Variants in HEMK2 observed in about 807,000 individuals in gnomAD.
HEMK2 encodes the protein HemK methyltransferase 2, ETF1 glutamine and histone H4 lysine.
chr21:28,679,593 A>T, the HEMK2 span, among the ~76,000 whole-genome samples: 1 of 152,220 alleles, frequency 6.6e-6, no homozygotes, highest in Non-Finnish European at 1.5e-5. Flanking sequence ...TCAACAGAAT[A>T]TACATTCTTC....
At chr21:28,811,810 A>T in the HEMK2 span, among the ~76,000 whole-genome samples, 1 of 152,248 alleles carries the variant, frequency 6.6e-6, no homozygotes. Context: ...TGGAACGGTA[A>T]GATGGAGCTT....
At chr21:28,773,738 T>C in the HEMK2 span, among the ~76,000 whole-genome samples, 4 of 152,140 alleles carry the variant, frequency 2.6e-5, no homozygotes, top group Non-Finnish European at 5.9e-5. Flanking sequence ...CCAGCTGCAA[T>C]GCTCTACTGG....
At chr21:28,675,494 T>C in the HEMK2 span, among the ~76,000 whole-genome samples, 4 of 152,188 alleles carry the variant, frequency 2.6e-5, no homozygotes, top group East Asian at 3.8e-4. Context: ...ATATCCATCA[T>C]TGGCAACAAA....
chr21:28,642,862 T>G, the HEMK2 span, among the ~76,000 whole-genome samples: 8 of 152,292 alleles, frequency 5.3e-5, no homozygotes, highest in Non-Finnish European at 8.8e-5. Context: ...CAGCCACTTG[T>G]GTTGCTCTGC....
chr21:28,818,878 G>A, the HEMK2 span, among the ~76,000 whole-genome samples: 2 of 152,156 alleles, frequency 1.3e-5, no homozygotes, highest in African/African-American at 2.4e-5. Flanking sequence ...AAGAAACTAG[G>A]ATTTATTTCT....
the HEMK2 span, among the ~76,000 whole-genome samples, chr21:28,857,498 A>G: frequency 6.6e-6 from 1 of 152,156 alleles, no homozygotes; most frequent in East Asian, 1.9e-4. Flanking sequence ...ATTCTGAAAG[A>G]GAAATAATTT....
chr21:28,658,281 T>C, the HEMK2 span, among the ~76,000 whole-genome samples: 4 of 152,082 alleles, frequency 2.6e-5, no homozygotes, highest in South Asian at 8.3e-4. Context: ...AGAGTTCCAG[T>C]AGCTCAGTTT....
the HEMK2 span, among the ~76,000 whole-genome samples, chr21:28,622,077 C>T: frequency 7.2e-5 from 11 of 152,036 alleles, no homozygotes; most frequent in Admixed American, 3.9e-4. Flanking sequence ...TGTCTTTGCA[C>T]GTGAGATGGG....
the HEMK2 span, among the ~76,000 whole-genome samples, chr21:28,690,058 A>G: frequency 6.6e-6 from 1 of 152,176 alleles, no homozygotes; most frequent in East Asian, 1.9e-4. Flanking sequence ...GCAAAGGCAC[A>G]TCTTACACAG....
chr21:28,710,899 C>A, the HEMK2 span, among the ~76,000 whole-genome samples: 1 of 152,142 alleles, frequency 6.6e-6, no homozygotes, highest in African/African-American at 2.4e-5. Context: ...TTACATTGTT[C>A]ATGAGAAAAT....
the HEMK2 span, among the ~76,000 whole-genome samples, chr21:28,733,388 A>G: frequency 1.3e-5 from 2 of 152,336 alleles, no homozygotes; most frequent in East Asian, 1.9e-4. Flanking sequence ...CCTCTTAGAT[A>G]ACATTGGCTT....
At chr21:28,878,824 T>C in the HEMK2 span, among the ~76,000 whole-genome samples, 6 of 151,292 alleles carry the variant, frequency 4.0e-5, no homozygotes, top group Admixed American at 1.3e-4. Flanking sequence ...AGACCTACTG[T>C]ACAGAAACAA....
the HEMK2 span, among the ~76,000 whole-genome samples, chr21:28,637,588 A>C: frequency 6.6e-5 from 10 of 152,148 alleles, no homozygotes; most frequent in African/African-American, 2.4e-4. Flanking sequence ...TTAGCAAAAA[A>C]CTTTCAGTCA....
chr21:28,698,470 T>A, the HEMK2 span, among the ~76,000 whole-genome samples: 1 of 152,170 alleles, frequency 6.6e-6, no homozygotes, highest in African/African-American at 2.4e-5. Context: ...ACAGCATACA[T>A]GCCAGGAATA....
At chr21:28,864,992 A>G in the HEMK2 span, among the ~76,000 whole-genome samples, 2 of 151,584 alleles carry the variant, frequency 1.3e-5, no homozygotes, top group African/African-American at 2.4e-5. Context: ...TCCCTTCCTT[A>G]CCCTATGCAG....
the HEMK2 span, among the ~76,000 whole-genome samples, chr21:28,831,462 C>CGAAAGAAAGAAAGAAA: frequency 0.014 from 323 of 23,560 alleles, 19 homozygotes; most frequent in Non-Finnish European, 0.02. Context: ...AAGAAAAGAA[C>CGAAAGAAAGAAAGAAA]GAAAGAAAGA....
chr21:28,701,970 C>T, the HEMK2 span, among the ~76,000 whole-genome samples: 1 of 151,932 alleles, frequency 6.6e-6, no homozygotes, highest in South Asian at 2.1e-4. Context: ...CACGGTACCA[C>T]TACAAAAACA....
chr21:28,808,861 T>C, the HEMK2 span, among the ~76,000 whole-genome samples: 3 of 152,148 alleles, frequency 2.0e-5, no homozygotes, highest in African/African-American at 2.4e-5. Flanking sequence ...TTTAACAAAA[T>C]GCATTTCAAC....
At chr21:28,651,429 GT>G in the HEMK2 span, among the ~76,000 whole-genome samples, 2 of 152,184 alleles carry the variant, frequency 1.3e-5, no homozygotes, top group African/African-American at 4.8e-5. Context: ...TGTGATGGTA[GT>G]TTATCAAAAA....
Sources: gnomAD v4.1 joint callset for allele counts (sites outside exome capture counted in the v4.1 genomes callset) on GRCh38, gnomAD v4.1.1 for gene constraint, MANE v1.5 for transcripts, NCBI Gene and HGNC (gene_info 2026-07-23, HGNC 2026-07-21) for gene names.